The following TAFA4 variants were observed in gnomAD, a reference collection of about 807,000 sequenced individuals.
TAFA4 encodes chemokine-like protein TAFA-4.
In TAFA4, 20 loss-of-function variants were observed where a neutral mutation model predicts 21.1. The observed-to-expected ratio is 0.95, with a 90% CI of 0.67 to 1.38. The LOEUF (loss-of-function observed/expected upper bound fraction) is 1.38, where lower values mean the gene tolerates loss of function less well. Among genes scored for constraint, TAFA4 ranks in the 40% most tolerant of loss-of-function variants. The pLI is 0.00. For synonymous variants in TAFA4, 71 were observed against 67.4 expected, an observed-to-expected ratio of 1.05 and a Z score of -0.26; for missense variants, 211 against 180.9, an observed-to-expected ratio of 1.17 and a Z score of -0.95.
intron 3 of TAFA4, among the ~76,000 whole-genome samples, chr3:68,809,497 T>A (rs1422310249): frequency 6.7e-6 from 1 of 149,740 alleles, no homozygotes; most frequent in East Asian, 2.0e-4. Flanking sequence ...TCTAAAATAT[T>A]ATTAATGTCT....
rs537981217 is a variant in TAFA4 at position 68,732,201 on chromosome 3, G to A, written c.*941C>T. ...GGCTAACACAGAAGTCACAGAAGTA[G>A]GGAAACAGCTAAGTTAAGAAGAACT... On this transcript the variant is annotated 3_prime_UTR_variant, in exon 6 of 6. Transcript: ENST00000295569. 1.3e-5 allele frequency: 2 copies of A among 152,460 alleles called. No individual in the cohort carries two copies. The highest frequency in any genetic ancestry group is 2.9e-5 in the Non-Finnish European group (2 of 68,016). 9.4% of individuals were successfully genotyped at this position (152,460 alleles called of 1,614,324 possible).
At position 68,861,038 on chromosome 3, in the gene TAFA4, C is replaced by CT. The variant is rs538096728; in HGVS notation, c.130+19691_130+19692insA. ...TGTGATGTTAAATATGCACCCCCCC[C>CT]CCGCCCCCACGACTCAGCAATCCTT... On this transcript the variant is annotated intron_variant, in intron 3 of 5. Transcript: ENST00000295569. Among the ~76,000 whole-genome samples, 361 of 134,986 alleles carry CT rather than the reference C, an allele frequency of 2.7e-3. 2 individuals are homozygous for CT. The highest frequency in any genetic ancestry group is 9.3e-3 in the African/African-American group (353 of 37,830). 88.6% of individuals were successfully genotyped at this position (134,986 alleles called of 152,430 possible). A position where few individuals can be genotyped will look rare whatever the true frequency, so the allele number is the denominator to read the frequency against.
chr3:68,733,593 A>G (rs906559906), intron 5 of TAFA4, among the ~76,000 whole-genome samples: 1 of 152,182 alleles, frequency 6.6e-6, no homozygotes, highest in African/African-American at 2.4e-5. Context: ...AGGTTATTTT[A>G]TAAAACTGCT....
At chr3:68,873,337 T>TACACACACACACACACACAC (rs34998311) in intron 3 of TAFA4, among the ~76,000 whole-genome samples, 3,203 of 133,352 alleles carry the variant, frequency 0.024, 147 homozygotes, top group East Asian at 0.084. Context: ...CACGCAGACA[T>TACACACACACACACACACAC]ACACACACAC....
chr3:68,851,439 G>C (rs887680068), intron 3 of TAFA4, among the ~76,000 whole-genome samples: 15 of 151,942 alleles, frequency 9.9e-5, no homozygotes, highest in African/African-American at 3.6e-4. Flanking sequence ...AACCACCGTG[G>C]CACACATTTA....
chr3:68,855,836 G>A (rs982107977), intron 3 of TAFA4, among the ~76,000 whole-genome samples: 7 of 151,990 alleles, frequency 4.6e-5, no homozygotes, highest in African/African-American at 1.2e-4. Context: ...ACCGAATGCC[G>A]TCAGCTTTCA....
chr3:68,827,649 T>C (rs950589752), intron 3 of TAFA4, among the ~76,000 whole-genome samples: 2 of 152,248 alleles, frequency 1.3e-5, no homozygotes, highest in African/African-American at 2.4e-5. Flanking sequence ...ATGATGAGCC[T>C]TTTTTCATAT....
chr3:68,812,385 G>A (rs1445147787), intron 3 of TAFA4, among the ~76,000 whole-genome samples: 4 of 152,114 alleles, frequency 2.6e-5, no homozygotes, highest in African/African-American at 9.7e-5. Flanking sequence ...CTGGCAAATT[G>A]GATCAAGAGT....
intron 3 of TAFA4, among the ~76,000 whole-genome samples, chr3:68,853,219 A>C (rs1457428896): frequency 6.8e-6 from 1 of 147,532 alleles, no homozygotes; most frequent in Admixed American, 6.7e-5. Context: ...ATTATCTACT[A>C]TAGAGTTAAG....
intron 3 of TAFA4, among the ~76,000 whole-genome samples, chr3:68,861,175 G>T (rs571193760): frequency 9.2e-5 from 14 of 151,704 alleles, no homozygotes; most frequent in African/African-American, 3.4e-4. Context: ...TCTTTCTCTC[G>T]GGGGTAGTGG....
At chr3:68,818,372 C>T (rs1160797653) in intron 3 of TAFA4, among the ~76,000 whole-genome samples, 2 of 152,190 alleles carry the variant, frequency 1.3e-5, no homozygotes, top group Non-Finnish European at 2.9e-5. Flanking sequence ...TTCAATAAGG[C>T]TGTTTTGCTT....
chr3:68,866,691 A>T (rs1197353593), intron 3 of TAFA4, among the ~76,000 whole-genome samples: 2 of 136,868 alleles, frequency 1.5e-5, no homozygotes, highest in African/African-American at 5.6e-5. Context: ...CTGCAAACTC[A>T]CAAAAAAAAA....
At chr3:68,772,638 G>A (rs777121217) in intron 3 of TAFA4, among the ~76,000 whole-genome samples, 3 of 152,156 alleles carry the variant, frequency 2.0e-5, no homozygotes, top group South Asian at 4.1e-4. Context: ...ATAGCTTCAC[G>A]TTGGGGCAGG....
At chr3:68,880,316 C>A (rs2106949599) in intron 3 of TAFA4, among the ~76,000 whole-genome samples, 1 of 152,164 alleles carries the variant, frequency 6.6e-6, no homozygotes, top group Admixed American at 6.5e-5. Flanking sequence ...TGACTATTCC[C>A]TTCACTAAAG....
In TAFA4 at chr3:68,733,106, C is replaced by A; in HGVS notation, c.*36G>T. 1 of 1,612,390 alleles carries A rather than the reference C, an allele frequency of 6.2e-7. No homozygotes were observed. Among genetic ancestry groups the A allele is most frequent in the South Asian group, 1.1e-5 (1 of 90,908 alleles). On this transcript the variant is annotated 3_prime_UTR_variant, in exon 6 of 6. Coordinates refer to ENST00000295569, the MANE Select transcript of TAFA4 (RefSeq NM_182522.5). Reference sequence around the variant, plus strand: ...CCAAGCAAAAGAGCTCCGCCTCCTGCTGCCCCTCCAGGATTGAAGCACACC... The same window carrying A: ...CCAAGCAAAAGAGCTCCGCCTCCTGATGCCCCTCCAGGATTGAAGCACACC...
intron 1 of TAFA4, among the ~76,000 whole-genome samples, chr3:68,911,718 C>T (rs2089963322): frequency 6.6e-6 from 1 of 152,200 alleles, no homozygotes; most frequent in Non-Finnish European, 1.5e-5. Flanking sequence ...GGAGGGAAAA[C>T]TGCTTAATTT....
chr3:68,912,976 G>T (rs2089973767), intron 1 of TAFA4, among the ~76,000 whole-genome samples: 1 of 152,300 alleles, frequency 6.6e-6, no homozygotes, highest in East Asian at 1.9e-4. Flanking sequence ...TGATGTGGGG[G>T]TAGGAATTCT....
intron 3 of TAFA4, among the ~76,000 whole-genome samples, chr3:68,805,706 C>T (rs1559526827): frequency 1.3e-5 from 2 of 148,310 alleles, no homozygotes; most frequent in Non-Finnish European, 3.0e-5. Flanking sequence ...ATCACAAGGA[C>T]AAAAAACCAA....
chr3:68,775,315 G>T (rs985295708), intron 3 of TAFA4, among the ~76,000 whole-genome samples: 3 of 152,116 alleles, frequency 2.0e-5, no homozygotes, highest in African/African-American at 7.2e-5. Context: ...TTAGACTGGG[G>T]ATAAGCTGTC....
Sources: gnomAD v4.1 joint callset for allele counts (sites outside exome capture counted in the v4.1 genomes callset) on GRCh38, gnomAD v4.1.1 for gene constraint, MANE v1.5 for transcripts, NCBI Gene and HGNC (gene_info 2026-07-23, HGNC 2026-07-21) for gene names.